The following ZNF385B variants were observed in gnomAD, a reference collection of about 807,000 sequenced individuals.
The protein encoded by ZNF385B is zinc finger protein 385B, also known as zinc finger protein 533.
A neutral mutation model predicts 39.2 loss-of-function variants in ZNF385B; 23 were observed. The ratio of observed to expected loss-of-function variants is 0.59; its 90% confidence interval spans 0.42 to 0.83. The LOEUF is 0.83. Ranked by LOEUF, ZNF385B falls within the 40% of genes least tolerant of loss-of-function variation. The pLI, the probability that ZNF385B is intolerant of heterozygous loss-of-function variation, is 0.00. For missense variants in ZNF385B, 552 were observed against 598.9 expected (o/e 0.92, Z 0.82); for synonymous variants, 205 against 222.6 (o/e 0.92, Z 0.70).
intron 3 of ZNF385B, among the ~76,000 whole-genome samples, chr2:179,732,013 G>A (rs1359187620): frequency 6.6e-6 from 1 of 152,166 alleles, no homozygotes; most frequent in Non-Finnish European, 1.5e-5. Context: ...GCCTAGCAAA[G>A]GAAAGAAACT....
intron 3 of ZNF385B, among the ~76,000 whole-genome samples, chr2:179,622,091 C>G (rs1171206268): frequency 6.6e-6 from 1 of 152,118 alleles, no homozygotes; most frequent in South Asian, 2.1e-4. Context: ...TATCAAAAAT[C>G]TATTTGCTTG....
At chr2:179,576,391 T>G (rs1685819793) in intron 3 of ZNF385B, 1 of 158,486 alleles carries the variant, frequency 6.3e-6, no homozygotes, top group African/African-American at 2.4e-5. Flanking sequence ...ATGTTGGGAA[T>G]GTGGCCTAAA....
At chr2:179,847,020 G>A (rs1251882346) in intron 1 of ZNF385B, among the ~76,000 whole-genome samples, 1 of 152,236 alleles carries the variant, frequency 6.6e-6, no homozygotes, top group Non-Finnish European at 1.5e-5. Context: ...ATAAATGCAG[G>A]TGAAAGCATT....
At chr2:179,570,090 G>A (rs1012916474) in intron 3 of ZNF385B, among the ~76,000 whole-genome samples, 1 of 152,146 alleles carries the variant, frequency 6.6e-6, no homozygotes, top group African/African-American at 2.4e-5. Context: ...CTTCAACACA[G>A]ATGTCAGCCA....
intron 1 of ZNF385B, among the ~76,000 whole-genome samples, chr2:179,784,945 C>T: frequency 6.6e-6 from 1 of 152,034 alleles, no homozygotes; most frequent in East Asian, 1.9e-4. Context: ...CTATATCCAA[C>T]AGAAATATGT....
intron 3 of ZNF385B, among the ~76,000 whole-genome samples, chr2:179,689,541 G>C (rs1328975608): frequency 2.6e-5 from 4 of 152,194 alleles, no homozygotes; most frequent in African/African-American, 9.7e-5. Context: ...TGGAAAACAA[G>C]AGTGTAGGAG....
intron 1 of ZNF385B, among the ~76,000 whole-genome samples, chr2:179,859,598 G>A (rs1230489291): frequency 6.6e-6 from 1 of 152,158 alleles, no homozygotes; most frequent in Non-Finnish European, 1.5e-5. Flanking sequence ...TACAAGAATA[G>A]CTATCTGATT....
At chr2:179,605,962 G>A (rs908406975) in intron 3 of ZNF385B, among the ~76,000 whole-genome samples, 4 of 152,206 alleles carry the variant, frequency 2.6e-5, no homozygotes, top group African/African-American at 9.6e-5. Context: ...GGGCTTTTCA[G>A]CACCAGTGAA....
chr2:179,460,633 C>T (rs1196512506), intron 6 of ZNF385B, among the ~76,000 whole-genome samples: 1 of 152,132 alleles, frequency 6.6e-6, no homozygotes, highest in Non-Finnish European at 1.5e-5. Flanking sequence ...GTTGTAGAAC[C>T]TAAGATGGGT....
chr2:179,766,944 C>T (rs370724907), intron 3 of ZNF385B, among the ~76,000 whole-genome samples: 1 of 152,068 alleles, frequency 6.6e-6, no homozygotes, highest in Non-Finnish European at 1.5e-5. Context: ...AAGCCCCCCG[C>T]AGTCCACTCC....
At chr2:179,775,532 A>G (rs1163346934) in intron 1 of ZNF385B, among the ~76,000 whole-genome samples, 1 of 152,146 alleles carries the variant, frequency 6.6e-6, no homozygotes, top group Non-Finnish European at 1.5e-5. Flanking sequence ...CTGGCACTTT[A>G]TTGAGTGCTA....
At chr2:179,766,878 G>A (rs949479236) in intron 3 of ZNF385B, among the ~76,000 whole-genome samples, 1 of 152,082 alleles carries the variant, frequency 6.6e-6, no homozygotes, top group Non-Finnish European at 1.5e-5. Context: ...TTATTTAGGC[G>A]CTTGCTTTGT....
At chr2:179,754,368 C>T (rs1702879026) in intron 3 of ZNF385B, among the ~76,000 whole-genome samples, 1 of 152,190 alleles carries the variant, frequency 6.6e-6, no homozygotes, top group South Asian at 2.1e-4. Context: ...CATTGATATT[C>T]ATCAGGGATA....
chr2:179,635,723 T>C (rs533838674), intron 3 of ZNF385B, among the ~76,000 whole-genome samples: 3 of 152,284 alleles, frequency 2.0e-5, no homozygotes, highest in East Asian at 1.9e-4. Flanking sequence ...ATATTATTCC[T>C]ACATTTTTTG....
At chr2:179,857,322 T>C (rs926567316) in intron 1 of ZNF385B, among the ~76,000 whole-genome samples, 2 of 152,172 alleles carry the variant, frequency 1.3e-5, no homozygotes, top group African/African-American at 2.4e-5. Flanking sequence ...GTTGGTGCAG[T>C]GCCCTTAGGG....
At chr2:179,661,080 C>A (rs1694410673) in intron 3 of ZNF385B, among the ~76,000 whole-genome samples, 2 of 151,928 alleles carry the variant, frequency 1.3e-5, no homozygotes, top group South Asian at 4.1e-4. Flanking sequence ...GTTAACATGA[C>A]TAGTTACTTT....
Position 179,442,786 on chromosome 2 carries a change from C to T in ZNF385B, c.*464G>A, listed in dbSNP as rs1574140446. 1 of 229,838 alleles carries T rather than the reference C, an allele frequency of 4.4e-6. No individual in the cohort carries two copies. Among genetic ancestry groups the T allele is most frequent in the South Asian group, 5.8e-5 (1 of 17,110 alleles). The allele number at this position is 229,838 out of a possible 1,614,324, so 14.2% of individuals were successfully genotyped here. On this transcript the variant is annotated 3_prime_UTR_variant, in exon 10 of 10. Coordinates refer to ENST00000410066, the MANE Select transcript of ZNF385B (RefSeq NM_152520.6). ...ATCCACAAGTAAGCACTTGTGTTCA[C>T]TGTTTTTTGTTCCACACTAGAATAC...
chr2:179,568,345 A>C (rs1397310892), intron 3 of ZNF385B, among the ~76,000 whole-genome samples: 1 of 152,166 alleles, frequency 6.6e-6, no homozygotes, highest in Non-Finnish European at 1.5e-5. Context: ...TTACTTGTTT[A>C]CTTGTTCATT....
intron 6 of ZNF385B, among the ~76,000 whole-genome samples, chr2:179,455,133 T>A (rs907240062): frequency 1.7e-4 from 26 of 152,186 alleles, no homozygotes; most frequent in African/African-American, 5.3e-4. Context: ...GCCATTTTTT[T>A]ATCTTTTATA....
Sources: allele counts gnomAD v4.1 joint callset (sites outside exome capture counted in the v4.1 genomes callset), GRCh38; gene constraint gnomAD v4.1.1; transcripts MANE v1.5; gene names NCBI Gene and HGNC (gene_info 2026-07-23, HGNC 2026-07-21).